LARP1B: variants seen among roughly 807,000 people sequenced by gnomAD.
LARP1B encodes the protein La ribonucleoprotein 1B.
In LARP1B, 76 loss-of-function variants were observed where a neutral mutation model predicts 114.2. That is an observed-to-expected ratio of 0.67 (90% CI 0.55 to 0.81). The LOEUF is 0.81. Among genes scored for constraint, LARP1B ranks in the 30% least tolerant of loss-of-function variants. The probability of loss-of-function intolerance (pLI) is 0.00; values close to 1 mark genes in which losing one functional copy is unlikely to be tolerated. For missense variants in LARP1B, 1,014 were observed against 1,075.8 expected, an observed-to-expected ratio of 0.94 and a Z score of 0.80; for synonymous variants, 345 against 348.0, an observed-to-expected ratio of 0.99 and a Z score of 0.10.
At chr4:128,123,742 T>C in intron 11 of LARP1B, 2 of 971,422 alleles carry the variant, frequency 2.1e-6, no homozygotes, top group South Asian at 9.5e-5. Context: ...ATAATATTTG[T>C]TCTGTGGGAA....
At position 128,199,552 on chromosome 4, in the gene LARP1B, G is replaced by C. The variant is rs771913642; in HGVS notation, c.2117G>C (p.Gly706Ala). ...TCTCATGAACTTTTGAAGGAAAATG[G>C]CTTTACCCAACAAGTGTACCACAAG... ...HPSHELLKEN[G>A]FTQQVYHKYR... The change falls in exon 16 of 20, where the codon GGC becomes GCC. Residue 706 changes from glycine to alanine, a missense_variant. Physicochemically the swap from Gly to Ala is moderately conservative, Grantham distance 60. Coordinates refer to ENST00000326639, the MANE Select transcript of LARP1B (RefSeq NM_018078.4). The C allele has an allele frequency of 4.4e-6, 7 of 1,597,688 alleles. No individual in the cohort carries two copies. In the South Asian group the frequency reaches 6.9e-5, roughly 16 times the overall value.
At chr4:128,062,637 G>C (rs1330791175) in intron 1 of LARP1B, among the ~76,000 whole-genome samples, 2 of 145,502 alleles carry the variant, frequency 1.4e-5, no homozygotes, top group Admixed American at 7.2e-5. Flanking sequence ...GCAAGTCAGA[G>C]CAAGGGGATT....
chr4:128,196,168 T>A (rs1041527362), intron 15 of LARP1B, among the ~76,000 whole-genome samples: 7 of 147,642 alleles, frequency 4.7e-5, no homozygotes, highest in African/African-American at 1.8e-4. Flanking sequence ...GGAAAATCAC[T>A]TGAGCCCGGG....
intron 19 of LARP1B, 29 bp from the exon 20 acceptor site, chr4:128,209,827 T>A: frequency 6.3e-7 from 1 of 1,582,084 alleles, no homozygotes; most frequent in Non-Finnish European, 8.7e-7. Context: ...AGTAAAATTG[T>A]CAACGGTGTT....
chr4:128,097,794 A>G (rs1027417157), intron 7 of LARP1B, among the ~76,000 whole-genome samples: 1 of 152,202 alleles, frequency 6.6e-6, no homozygotes, highest in Non-Finnish European at 1.5e-5. Flanking sequence ...TTATGCTAAC[A>G]TGGGATTAGC....
intron 11 of LARP1B, chr4:128,155,944 AC>A: frequency 6.6e-7 from 1 of 1,519,080 alleles, no homozygotes; most frequent in Non-Finnish European, 9.1e-7. Flanking sequence ...CACAGGCGGT[AC>A]CAGCGGCACC....
At chr4:128,176,975 G>A in intron 13 of LARP1B, 68 bp downstream of exon 13, 1 of 1,335,076 alleles carries the variant, frequency 7.5e-7, no homozygotes, top group Non-Finnish European at 1.1e-6. Flanking sequence ...AAAAGATGCA[G>A]GAAAGGGACT....
Position 128,075,092 on chromosome 4 carries a change from A to T in LARP1B, c.42+99A>T, listed in dbSNP as rs1372904916. On this transcript the variant is annotated intron_variant, in intron 3 of 19. Transcript: ENST00000326639. The stretch of plus-strand genomic sequence containing the variant: ...TACTTAAAATGTAAAGAATTGTCAT[A>T]CTGGGGGACAGATTTTTTTTATTTT... The T allele has an allele frequency of 3.7e-6, 3 of 818,398 alleles. No homozygotes were observed. In the African/African-American group the frequency reaches 5.2e-5, roughly 14 times the overall value. The allele number at this position is 818,398 out of a possible 1,614,324, so 50.7% of individuals were successfully genotyped here.
At chr4:128,102,607 T>C (rs1389817823) in intron 8 of LARP1B, among the ~76,000 whole-genome samples, 4 of 152,214 alleles carry the variant, frequency 2.6e-5, no homozygotes, top group Admixed American at 2.6e-4. Context: ...ACCAAACTTG[T>C]TGAATCTGAT....
In LARP1B at chr4:128,098,747, G is replaced by GTGTGTATATATATATATATATATATA; in HGVS notation, c.813+418_813+419insGTGTATATATATATATATATATATAT. ...AGCATGTGTTCCTGTATATGTATGT[G>GTGTGTATATATATATATATATATATA]TATATATATATATATATATATTTTT... On this transcript the variant is annotated intron_variant, in intron 8 of 19. Transcript: ENST00000326639. Among the ~76,000 whole-genome samples the GTGTGTATATATATATATATATATATA allele has an allele frequency of 2.8e-3, 43 of 15,580 alleles. 9 individuals carry two copies. Among genetic ancestry groups the GTGTGTATATATATATATATATATATA allele is most frequent in the Non-Finnish European group, 4.1e-3 (32 of 7,728 alleles). The allele number at this position is 15,580 out of a possible 152,430, so 10.2% of individuals were successfully genotyped here. A position where few individuals can be genotyped will look rare whatever the true frequency, so the allele number is the denominator to read the frequency against.
chr4:128,110,178 C>T lies in LARP1B; in HGVS notation c.988+2865C>T, dbSNP rs562999852. Among the ~76,000 whole-genome samples the T allele has an allele frequency of 8.5e-5, 13 of 152,086 alleles. No individual in the cohort carries two copies. The East Asian group carries it at 2.1e-3, about 25-fold the overall frequency. On this transcript the variant is annotated intron_variant, in intron 9 of 19. Coordinates refer to ENST00000326639, the MANE Select transcript of LARP1B (RefSeq NM_018078.4). ...CGGCCTCCTAAAATGGGATTACAGG[C>T]GTGAGCCACTGTGCCCGGCCACTGA...
chr4:128,206,564 C>T (rs141681856), intron 18 of LARP1B, 27 bp downstream of exon 18: 1 of 1,580,352 alleles, frequency 6.3e-7, no homozygotes, highest in East Asian at 2.2e-5. Flanking sequence ...AAAACTTGTA[C>T]TCTAATTGGA....
intron 11 of LARP1B, among the ~76,000 whole-genome samples, chr4:128,149,321 T>C (rs1263859044): frequency 6.6e-6 from 1 of 152,132 alleles, no homozygotes; most frequent in African/African-American, 2.4e-5. Flanking sequence ...AAAGAGCAAT[T>C]GCAGTTTTTA....
chr4:128,117,524 T>G lies in LARP1B; in HGVS notation c.1161+2782T>G, dbSNP rs191864617. The stretch of plus-strand genomic sequence containing the variant: ...CCTCAGCCTCCAGAGTAGATGGGAT[T>G]AAAGGCACAGGCCACCACACCCAGC... On this transcript the variant is annotated intron_variant, in intron 10 of 19. Coordinates refer to ENST00000326639, the MANE Select transcript of LARP1B (RefSeq NM_018078.4). Among the ~76,000 whole-genome samples the G allele has an allele frequency of 3.0e-3, 464 of 152,242 alleles. 4 individuals carry two copies. Among genetic ancestry groups the G allele is most frequent in the African/African-American group, 0.011 (446 of 41,562 alleles).
At chr4:128,222,635 A>C, downstream of LARP1B, 1 of 271,814 alleles carries the variant, frequency 3.7e-6, no homozygotes, top group South Asian at 3.7e-5. Context: ...CTTTATTCCC[A>C]AGAAGGGGAA....
chr4:128,105,228 C>A (rs1781660970), intron 8 of LARP1B, among the ~76,000 whole-genome samples: 1 of 152,146 alleles, frequency 6.6e-6, no homozygotes, highest in South Asian at 2.1e-4. Context: ...ATGGCTCTTT[C>A]TAGTCAGTGT....
chr4:128,207,989 G>A lies in LARP1B; in HGVS notation c.2547+606G>A, dbSNP rs563940259. 8.5e-5 allele frequency among the ~76,000 whole-genome samples: 13 copies of A among 152,246 alleles called. No homozygotes were observed. In the East Asian group the frequency reaches 1.7e-3, roughly 20 times the overall value. On this transcript the variant is annotated intron_variant, in intron 19 of 19. Transcript: ENST00000326639. ...AAAGAAAAGCATTAAAAAATGTCAC[G>A]AATGTAAGAAGATAGAGGAAAAGGA...
In LARP1B at chr4:128,210,285, A is replaced by C; in HGVS notation, c.*232A>C. ...TTTCCCTGATTTCACAAACAAGGAT[A>C]GTCTTGGTGACCTTTTATAGAGATC... On this transcript the variant is annotated 3_prime_UTR_variant, in exon 20 of 20. Coordinates refer to ENST00000326639, the MANE Select transcript of LARP1B (RefSeq NM_018078.4). 1 of 1,347,150 alleles carries C rather than the reference A, an allele frequency of 7.4e-7. No homozygotes were observed. The allele number at this position is 1,347,150 out of a possible 1,614,324, so 83.4% of individuals were successfully genotyped here. A position where few individuals can be genotyped will look rare whatever the true frequency, so the allele number is the denominator to read the frequency against.
At chr4:128,180,891 C>A (rs1048832519) in intron 15 of LARP1B, among the ~76,000 whole-genome samples, 1 of 152,142 alleles carries the variant, frequency 6.6e-6, no homozygotes, top group Admixed American at 6.6e-5. Context: ...TTCTTTTTAA[C>A]CTTGGTAATG....
Sources: gnomAD v4.1 joint callset for allele counts (sites outside exome capture counted in the v4.1 genomes callset) on GRCh38, gnomAD v4.1.1 for gene constraint, MANE v1.5 for transcripts, NCBI Gene and HGNC (gene_info 2026-07-23, HGNC 2026-07-21) for gene names.